GRB14: variants seen among roughly 807,000 people sequenced by gnomAD.
GRB14 encodes growth factor receptor bound protein 14, also known as growth factor receptor-bound protein 14.
A neutral mutation model predicts 69.1 loss-of-function variants in GRB14; 38 were observed. The ratio of observed to expected loss-of-function variants is 0.55; its 90% CI spans 0.42 to 0.72. GRB14 has a LOEUF of 0.72. GRB14 is among the 30% of genes least tolerant of loss of function. The pLI, the probability that GRB14 is intolerant of heterozygous loss-of-function variation, is 0.00. For missense variants in GRB14, 666 were observed against 666.1 expected (o/e 1.00, Z 0.00); for synonymous variants, 247 against 241.3 (o/e 1.02, Z -0.22).
intron 2 of GRB14, among the ~76,000 whole-genome samples, chr2:164,554,829 T>A (rs183355979): frequency 3.6e-4 from 54 of 151,638 alleles, no homozygotes; most frequent in Admixed American, 4.0e-4. Flanking sequence ...TCATAAAAAG[T>A]AAGTGGAGGA....
chr2:164,559,561 T>G (rs1350577162), intron 2 of GRB14, among the ~76,000 whole-genome samples: 5 of 152,118 alleles, frequency 3.3e-5, no homozygotes, highest in Admixed American at 3.3e-4. Context: ...TATTCCCGAG[T>G]CACTTCACTT....
intron 6 of GRB14, among the ~76,000 whole-genome samples, chr2:164,511,093 C>G (rs1463959305): frequency 6.6e-6 from 1 of 152,186 alleles, no homozygotes; most frequent in African/African-American, 2.4e-5. Flanking sequence ...AACCGCCCAT[C>G]CCAGCAGTTG....
At chr2:164,582,709 G>A (rs1027569021) in intron 2 of GRB14, among the ~76,000 whole-genome samples, 2 of 152,034 alleles carry the variant, frequency 1.3e-5, no homozygotes, top group Admixed American at 6.6e-5. Context: ...GTGAGCCACC[G>A]CACCCGGCCT....
At chr2:164,500,280 T>TG (rs1175541832) in intron 9 of GRB14, among the ~76,000 whole-genome samples, 1 of 152,104 alleles carries the variant, frequency 6.6e-6, no homozygotes, top group Non-Finnish European at 1.5e-5. Flanking sequence ...GCTGATGGGG[T>TG]GGCTGTTACA....
intron 9 of GRB14, among the ~76,000 whole-genome samples, chr2:164,498,398 A>G: frequency 6.6e-6 from 1 of 152,152 alleles, no homozygotes; most frequent in Non-Finnish European, 1.5e-5. Flanking sequence ...TTGGGGCTCT[A>G]CTTTACAACC....
intron 2 of GRB14, among the ~76,000 whole-genome samples, chr2:164,611,392 C>T (rs1690163398): frequency 6.6e-6 from 1 of 152,036 alleles, no homozygotes; most frequent in South Asian, 2.1e-4. Context: ...TATATAGATT[C>T]AAGCCTACTT....
At chr2:164,589,131 C>T (rs771736971) in intron 2 of GRB14, among the ~76,000 whole-genome samples, 15 of 152,120 alleles carry the variant, frequency 9.9e-5, no homozygotes, top group Non-Finnish European at 1.6e-4. Flanking sequence ...TGTACATTTA[C>T]AGACATTTTA....
chr2:164,592,412 G>A (rs1219926840), intron 2 of GRB14, among the ~76,000 whole-genome samples: 2 of 152,156 alleles, frequency 1.3e-5, no homozygotes, highest in Non-Finnish European at 2.9e-5. Context: ...GGGATTACAG[G>A]CGTGAGCCAC....
chr2:164,614,154 A>G (rs1439174807), intron 2 of GRB14, among the ~76,000 whole-genome samples: 2 of 152,054 alleles, frequency 1.3e-5, no homozygotes, highest in African/African-American at 2.4e-5. Flanking sequence ...ACGCTTTCAA[A>G]TTCTCCCAAA....
chr2:164,579,947 T>G (rs1393636408), intron 2 of GRB14, among the ~76,000 whole-genome samples: 2 of 152,164 alleles, frequency 1.3e-5, no homozygotes, highest in Non-Finnish European at 2.9e-5. Context: ...AATTAAATTT[T>G]AAAAAGCTAT....
At chr2:164,542,065 T>C (rs1688253947) in intron 3 of GRB14, among the ~76,000 whole-genome samples, 1 of 152,126 alleles carries the variant, frequency 6.6e-6, no homozygotes, top group Admixed American at 6.6e-5. Context: ...GCATGATACT[T>C]GTACAAAAAC....
rs149688472 is a variant in GRB14, at chr2:164,495,225, AGCCACCAC to A, written c.1383-709_1383-702del. On this transcript the variant is annotated intron_variant, in intron 12 of 13. Transcript: ENST00000263915. ...CCATAGTGCTGAGATTACAGGCATG[AGCCACCAC>A]GCCTGGCCTGAAATTTTATTTTATT... 5.8e-3 allele frequency among the ~76,000 whole-genome samples: 881 copies of A among 152,264 alleles called. 6 individuals carry two copies. The highest frequency in any genetic ancestry group is 0.021 in the African/African-American group (854 of 41,556).
Position 164,525,023 on chromosome 2 carries a change from G to A in GRB14, c.659C>T (p.Ser220Phe), listed in dbSNP as rs780131269. ...TTTTACCTGCAAAATCTGTGTGGGG[G>A]ATATTTCACCATTGGTTTCAGTTGC... is the stretch of plus-strand genomic sequence containing the variant. ...SFATETNGEISPTQILQMFLS... is the reference protein window; with the variant it reads ...SFATETNGEIFPTQILQMFLS... Residue 220 changes from serine (S) to phenylalanine (F), a missense_variant, in exon 5 of 14, where the codon TCC becomes TTC. Physicochemically the swap from Ser to Phe is radical, Grantham distance 155. Transcript: ENST00000263915. 6.9e-6 allele frequency: 11 copies of A among 1,582,764 alleles called. No individual in the cohort carries two copies. The highest frequency in any genetic ancestry group is 9.5e-6 in the Non-Finnish European group (11 of 1,158,792).
intron 2 of GRB14, among the ~76,000 whole-genome samples, chr2:164,605,552 G>A (rs1690023297): frequency 6.6e-6 from 1 of 152,086 alleles, no homozygotes; most frequent in African/African-American, 2.4e-5. Context: ...AAAACCCTAA[G>A]GAATACCAAC....
At chr2:164,618,919 G>A (rs1690373866) in intron 2 of GRB14, among the ~76,000 whole-genome samples, 1 of 152,288 alleles carries the variant, frequency 6.6e-6, no homozygotes, top group Non-Finnish European at 1.5e-5. Flanking sequence ...GTCTAGTGAG[G>A]CTTCTCTTTG....
intron 2 of GRB14, among the ~76,000 whole-genome samples, chr2:164,592,203 C>T (rs1051173600): frequency 8.6e-5 from 13 of 151,968 alleles, no homozygotes; most frequent in East Asian, 1.9e-4. Context: ...GGCACCATCT[C>T]GGCTCACTGC....
At chr2:164,530,197 T>TA (rs1295653967) in intron 3 of GRB14, among the ~76,000 whole-genome samples, 1 of 152,098 alleles carries the variant, frequency 6.6e-6, no homozygotes, top group Non-Finnish European at 1.5e-5. Flanking sequence ...TCAGGAAGCT[T>TA]ACAATCATGC....
chr2:164,586,472 C>T (rs1689543141), intron 2 of GRB14, among the ~76,000 whole-genome samples: 1 of 152,150 alleles, frequency 6.6e-6, no homozygotes, highest in African/African-American at 2.4e-5. Context: ...ATAGATCCCC[C>T]TGTTGTCTTT....
intron 2 of GRB14, among the ~76,000 whole-genome samples, chr2:164,609,039 A>G (rs1322546078): frequency 6.6e-6 from 1 of 152,212 alleles, no homozygotes; most frequent in Non-Finnish European, 1.5e-5. Context: ...TTGAGTTTTA[A>G]CCAATTTATC....
Sources: allele counts gnomAD v4.1 joint callset (sites outside exome capture counted in the v4.1 genomes callset), GRCh38; gene constraint gnomAD v4.1.1; transcripts MANE v1.5; gene names NCBI Gene and HGNC (gene_info 2026-07-23, HGNC 2026-07-21).